Variants in NCKAP1 observed in about 807,000 individuals in gnomAD.
NCKAP1 encodes the protein nck-associated protein 1.
Under a neutral mutation model 151.2 loss-of-function variants are expected in NCKAP1, and 21 were observed. The observed-to-expected ratio is 0.14, with a 90% CI of 0.10 to 0.20. The LOEUF (loss-of-function observed/expected upper bound fraction) is 0.20, where lower values mean the gene tolerates loss of function less well. Among genes scored for constraint, NCKAP1 ranks in the 10% least tolerant of loss-of-function variants. The pLI is 1.00. For synonymous variants in NCKAP1, 484 were observed against 451.8 expected (o/e 1.07, Z -0.90); for missense variants, 933 against 1,352.1 (o/e 0.69, Z 4.86).
intron 1 of NCKAP1, among the ~76,000 whole-genome samples, chr2:183,026,452 C>T (rs749893560): frequency 2.7e-5 from 4 of 148,514 alleles, no homozygotes; most frequent in Non-Finnish European, 5.9e-5. Context: ...CAGCCTGAGC[C>T]ACAGAGTGAA....
intron 2 of NCKAP1, among the ~76,000 whole-genome samples, chr2:183,015,925 T>A (rs2105887950): frequency 6.7e-6 from 1 of 150,250 alleles, no homozygotes; most frequent in African/African-American, 2.4e-5. Context: ...TAATCAATGA[T>A]CCAAAAATAC....
intron 18 of NCKAP1, among the ~76,000 whole-genome samples, chr2:182,961,941 G>A (rs957553858): frequency 3.9e-5 from 6 of 152,284 alleles, no homozygotes; most frequent in Middle Eastern, 3.4e-3. Context: ...AAAACTACAC[G>A]TGACTCCTGA....
At chr2:182,951,803 AGTT>A (rs1250928349) in intron 23 of NCKAP1, among the ~76,000 whole-genome samples, 1 of 152,124 alleles carries the variant, frequency 6.6e-6, no homozygotes, top group Non-Finnish European at 1.5e-5. Context: ...AAAACTACAT[AGTT>A]ATTATATATA....
chr2:182,988,843 C>T (rs1461944573), intron 9 of NCKAP1, among the ~76,000 whole-genome samples, 187 bp downstream of exon 9: 1 of 151,870 alleles, frequency 6.6e-6, no homozygotes. Flanking sequence ...TGTGAAGTTA[C>T]CTGTAAAAAA....
chr2:183,002,151 G>C lies in NCKAP1; in HGVS notation c.488C>G (p.Ala163Gly). 6.2e-7 allele frequency: 1 copy of C among 1,612,930 alleles called. No individual in the cohort carries two copies. The highest frequency in any genetic ancestry group is 8.5e-7 in the Non-Finnish European group (1 of 1,179,248). Residue 163 changes from alanine (A) to glycine (G), a missense_variant, in exon 5 of 31, where the codon GCC becomes GGC. By Grantham distance (60) the Ala-to-Gly change is moderately conservative (BLOSUM62 0). This residue lies in a region of NCKAP1 where 607 missense variants were observed against 795.0 expected (regional missense o/e 0.76). Transcript: ENST00000361354. ...RKAIIGLYNY[A>G]HEMTHGASDR... is the part of the protein sequence containing the mutation. ...CCTTGCTCCATGAGTCATTTCATGG[G>C]CATAGTTGTATAATCCAATGATTGC...
chr2:182,998,834 C>CAAAAAAAAA (rs1160835228), intron 6 of NCKAP1, among the ~76,000 whole-genome samples: 3 of 44,502 alleles, frequency 6.7e-5, no homozygotes, highest in Non-Finnish European at 8.6e-5. Context: ...AAGACTCCAA[C>CAAAAAAAAA]AAAAAAAAAA....
chr2:182,977,476 C>T (rs1037258492), intron 14 of NCKAP1, among the ~76,000 whole-genome samples: 1 of 152,050 alleles, frequency 6.6e-6, no homozygotes, highest in African/African-American at 2.4e-5. Context: ...GGCAACAGAG[C>T]GGGACTGGGT....
intron 1 of NCKAP1, among the ~76,000 whole-genome samples, chr2:183,025,702 A>C (rs990590114): frequency 3.9e-5 from 6 of 152,166 alleles, no homozygotes; most frequent in African/African-American, 1.4e-4. Context: ...AAAATCTTCC[A>C]ATTTATATTC....
intron 2 of NCKAP1, among the ~76,000 whole-genome samples, chr2:183,015,257 G>A (rs146136513): frequency 9.9e-5 from 15 of 152,170 alleles, no homozygotes; most frequent in African/African-American, 3.6e-4. Context: ...GGGATCATAA[G>A]AACCACCCTT....
chr2:182,912,472 C>T lies in NCKAP1; in HGVS notation c.*13230G>A, dbSNP rs577535877. On this transcript the variant is annotated 3_prime_UTR_variant, in exon 31 of 31. Coordinates refer to ENST00000361354, the MANE Select transcript of NCKAP1 (RefSeq NM_013436.5). Reference sequence around the variant, plus strand: ...AGCACATTATAATAATCCTGTTGTGCAGTACTCCTTTCCAATGACCTGTAA... The same window carrying T: ...AGCACATTATAATAATCCTGTTGTGTAGTACTCCTTTCCAATGACCTGTAA... The T allele has an allele frequency of 1.1e-4, 17 of 152,268 alleles. No individual in the cohort carries two copies. Among genetic ancestry groups the T allele is most frequent in the African/African-American group, 4.1e-4 (17 of 41,550 alleles). 9.4% of individuals were successfully genotyped at this position (152,268 alleles called of 1,614,324 possible). A position where few individuals can be genotyped will look rare whatever the true frequency, so the allele number is the denominator to read the frequency against.
At chr2:182,934,694 G>T in intron 26 of NCKAP1, 58 bp downstream of exon 26, 1 of 857,974 alleles carries the variant, frequency 1.2e-6, no homozygotes, top group Non-Finnish European at 1.9e-6. Context: ...TCTTGCATAT[G>T]TAATTTAAAT....
intron 6 of NCKAP1, among the ~76,000 whole-genome samples, chr2:182,996,825 G>C (rs1204280625): frequency 1.3e-5 from 2 of 152,110 alleles, no homozygotes; most frequent in Admixed American, 6.5e-5. Context: ...CAGAATACAG[G>C]GCTGTAACTG....
chr2:182,968,659 T>C (rs1170731561), intron 15 of NCKAP1, among the ~76,000 whole-genome samples: 1 of 152,242 alleles, frequency 6.6e-6, no homozygotes, highest in Non-Finnish European at 1.5e-5. Flanking sequence ...GGCTCCTCTG[T>C]ACCACACCTG....
intron 1 of NCKAP1, among the ~76,000 whole-genome samples, chr2:183,025,644 T>C (rs1003088644): frequency 6.6e-6 from 1 of 152,156 alleles, no homozygotes; most frequent in African/African-American, 2.4e-5. Flanking sequence ...AATATTAAAA[T>C]ATATCCAACT....
At chr2:183,004,998 A>C (rs1322877425) in intron 2 of NCKAP1, among the ~76,000 whole-genome samples, 1 of 151,914 alleles carries the variant, frequency 6.6e-6, no homozygotes, top group Non-Finnish European at 1.5e-5. Flanking sequence ...GCTTCATCTG[A>C]GAGTAGCTGA....
At chr2:182,962,394 G>C in intron 17 of NCKAP1, 116 bp from the exon 18 acceptor site, 2 of 964,934 alleles carry the variant, frequency 2.1e-6, no homozygotes, top group East Asian at 5.6e-5. Flanking sequence ...AATAGTGAGG[G>C]TGGGAGATGT....
intron 2 of NCKAP1, among the ~76,000 whole-genome samples, chr2:183,020,879 C>T (rs905655348): frequency 2.0e-5 from 3 of 151,970 alleles, no homozygotes; most frequent in African/African-American, 7.3e-5. Flanking sequence ...GAACTTCTCA[C>T]CAAAATTTTA....
intron 24 of NCKAP1, 75 bp from the exon 25 acceptor site, chr2:182,935,450 T>C (rs1439328514): frequency 2.5e-6 from 2 of 808,148 alleles, no homozygotes; most frequent in Non-Finnish European, 3.7e-6. Flanking sequence ...TGGAAAAAAA[T>C]CTAAATTTAT....
At chr2:183,037,965 G>A in intron 1 of NCKAP1, 27 bp downstream of exon 1, 2 of 1,548,740 alleles carry the variant, frequency 1.3e-6, no homozygotes, top group South Asian at 1.2e-5. Context: ...GCCCGCCTCC[G>A]CCGCGGCCTC....
Sources: gnomAD v4.1 joint callset for allele counts (sites outside exome capture counted in the v4.1 genomes callset) on GRCh38, gnomAD v4.1.1 for gene constraint, gnomAD v4.1.1 regional missense constraint, MANE v1.5 for transcripts, NCBI Gene and HGNC (gene_info 2026-07-23, HGNC 2026-07-21) for gene names.